ZNF407: variants seen among roughly 807,000 people sequenced by gnomAD.
ZNF407 encodes zinc finger protein 407.
A neutral mutation model predicts 131.2 loss-of-function variants in ZNF407; 17 were observed. The ratio of observed to expected loss-of-function variants is 0.13; its 90% CI spans 0.09 to 0.19. ZNF407 has a LOEUF of 0.19. Among genes scored for constraint, ZNF407 ranks in the 10% least tolerant of loss-of-function variants. ZNF407 has a pLI of 1.00. For synonymous variants in ZNF407, 1,156 were observed against 1,062.0 expected (o/e 1.09, Z -1.72); for missense variants, 2,681 against 2,830.6 (o/e 0.95, Z 1.20).
intron 4 of ZNF407, among the ~76,000 whole-genome samples, chr18:74,831,225 G>A (rs535882177): frequency 6.6e-6 from 1 of 152,244 alleles, no homozygotes; most frequent in Non-Finnish European, 1.5e-5. Context: ...GAACAGCATG[G>A]CAGTAAACAT....
chr18:74,654,854 T>G (rs1985382334), intron 3 of ZNF407, among the ~76,000 whole-genome samples: 1 of 151,864 alleles, frequency 6.6e-6, no homozygotes, highest in Admixed American at 6.6e-5. Context: ...ACTACCAAAT[T>G]GAAGTTGTAA....
At chr18:74,863,710 T>C (rs1970970023) in intron 4 of ZNF407, among the ~76,000 whole-genome samples, 1 of 152,196 alleles carries the variant, frequency 6.6e-6, no homozygotes, top group Non-Finnish European at 1.5e-5. Context: ...AACTCTATTA[T>C]GTTTTTCTAT....
chr18:74,939,455 A>G (rs1328686132), intron 8 of ZNF407, among the ~76,000 whole-genome samples: 1 of 152,234 alleles, frequency 6.6e-6, no homozygotes, highest in Non-Finnish European at 1.5e-5. Flanking sequence ...TAAGACAGAT[A>G]ACAGGATTAA....
intron 8 of ZNF407, among the ~76,000 whole-genome samples, chr18:75,052,317 C>T (rs954607450): frequency 6.6e-6 from 1 of 152,128 alleles, no homozygotes; most frequent in Non-Finnish European, 1.5e-5. Flanking sequence ...CCACAGGAGT[C>T]GCGCGCTTAT....
intron 2 of ZNF407, 43 bp from the exon 3 acceptor site, chr18:74,640,965 T>C: frequency 1.4e-6 from 2 of 1,399,918 alleles, no homozygotes; most frequent in Non-Finnish European, 1.0e-6. Flanking sequence ...ATTGGTGATG[T>C]ATTATTCAAA....
chr18:74,819,541 G>A (rs1970312580), intron 4 of ZNF407, among the ~76,000 whole-genome samples: 1 of 152,172 alleles, frequency 6.6e-6, no homozygotes, highest in African/African-American at 2.4e-5. Context: ...ACTATTGGTG[G>A]AGATGAGAGG....
At chr18:74,715,100 C>T (rs895067069) in intron 3 of ZNF407, among the ~76,000 whole-genome samples, 9 of 152,194 alleles carry the variant, frequency 5.9e-5, no homozygotes, top group African/African-American at 1.4e-4. Flanking sequence ...TCATCTTCCA[C>T]GTCCCGCTGC....
intron 1 of ZNF407, among the ~76,000 whole-genome samples, chr18:74,612,457 A>G (rs561914955): frequency 2.0e-5 from 3 of 152,218 alleles, no homozygotes; most frequent in East Asian, 1.9e-4. Context: ...TTTATTTTGC[A>G]TACTCTACGT....
In ZNF407 at chr18:74,634,998, T is replaced by G; in HGVS notation, c.3979T>G (p.Ser1327Ala). The change falls in exon 2 of 9, where the codon TCT becomes GCT. Residue 1327 changes from serine to alanine, a missense_variant. Physicochemically the swap from Ser to Ala is moderately conservative, Grantham distance 99 (BLOSUM62 1). Transcript: ENST00000299687. ...EFILEEDGPA[S>A]DSTVESSDVY... ...TATTTTGGAGGAGGATGGCCCAGCT[T>G]CTGATAGCACAGTTGAAAGTAGTGA... 1 of 1,614,056 alleles carries G rather than the reference T, an allele frequency of 6.2e-7. No individual in the cohort carries two copies. The highest frequency in any genetic ancestry group is 8.5e-7 in the Non-Finnish European group (1 of 1,179,906).
At chr18:75,050,470 T>G (rs929307448) in intron 8 of ZNF407, among the ~76,000 whole-genome samples, 1 of 152,196 alleles carries the variant, frequency 6.6e-6, no homozygotes, top group East Asian at 1.9e-4. Context: ...AGGACTTTAT[T>G]AATCACAGCA....
At chr18:74,924,468 G>A (rs980974628) in intron 8 of ZNF407, among the ~76,000 whole-genome samples, 1 of 152,068 alleles carries the variant, frequency 6.6e-6, no homozygotes, top group African/African-American at 2.4e-5. Context: ...TTCTGTCATT[G>A]TACAATTTTT....
rs200055040 is a variant in ZNF407, at chr18:75,063,397, G to A, written c.5676G>A (p.Thr1892=). Residue 1892 remains threonine (T), a synonymous_variant, in exon 9 of 9, where the codon ACG becomes ACA. Coordinates refer to ENST00000299687, the MANE Select transcript of ZNF407 (RefSeq NM_017757.3). This position sits in a 1 kb window ranked among gnomAD's most constrained non-coding sequence, Gnocchi z 6.6. ...AGACGGCCGCCGCCACGCTGCAGAC[G>A]CTGGCCATGGCCGGCCAGGTGGCCC... The part of the protein sequence containing the change: ...VEETAAATLQ[T]LAMAGQVARV... The A allele has an allele frequency of 8.1e-6, 13 of 1,610,956 alleles. No homozygotes were observed. The highest frequency in any genetic ancestry group is 2.2e-5 in the East Asian group (1 of 44,766).
intron 4 of ZNF407, among the ~76,000 whole-genome samples, chr18:74,808,801 A>G (rs1350250794): frequency 6.6e-6 from 1 of 152,246 alleles, no homozygotes; most frequent in Non-Finnish European, 1.5e-5. Flanking sequence ...TCACTTTGAT[A>G]GACATGGGCA....
chr18:74,728,897 C>T (rs565535942), intron 3 of ZNF407, among the ~76,000 whole-genome samples: 95 of 152,236 alleles, frequency 6.2e-4, no homozygotes, highest in Admixed American at 1.2e-3. Context: ...AAACACTAGC[C>T]AGCAGTATTG....
chr18:74,968,222 C>T (rs1015847169), intron 8 of ZNF407, among the ~76,000 whole-genome samples: 8 of 152,174 alleles, frequency 5.3e-5, no homozygotes, highest in Non-Finnish European at 1.2e-4. Flanking sequence ...CTATCCCAGT[C>T]TCATATTCAC....
At position 74,633,056 on chromosome 18, in the gene ZNF407, A is replaced by G; in HGVS notation, c.2037A>G (p.Gly679=). 1.2e-6 allele frequency: 2 copies of G among 1,613,942 alleles called. No homozygotes were observed. Among genetic ancestry groups the G allele is most frequent in the Non-Finnish European group, 1.7e-6 (2 of 1,179,898 alleles). The change falls in exon 2 of 9, where the codon GGA becomes GGG. Residue 679 remains glycine (G), a synonymous_variant. Coordinates refer to ENST00000299687, the MANE Select transcript of ZNF407 (RefSeq NM_017757.3). ...ENAKESMDDS[G]KASQEEPLKS... ...CAAAAGAGTCTATGGATGACTCAGGAAAAGCATCTCAGGAAGAACCTCTGA... is the reference window on the plus strand; with the variant it reads ...CAAAAGAGTCTATGGATGACTCAGGGAAAGCATCTCAGGAAGAACCTCTGA...
chr18:75,051,467 C>G (rs1362169735), intron 8 of ZNF407, among the ~76,000 whole-genome samples: 1 of 152,188 alleles, frequency 6.6e-6, no homozygotes, highest in Non-Finnish European at 1.5e-5. Flanking sequence ...TTGCCTTTCT[C>G]TCCCATTCCC....
At chr18:74,918,081 A>C (rs1386559650) in intron 7 of ZNF407, among the ~76,000 whole-genome samples, 1 of 152,210 alleles carries the variant, frequency 6.6e-6, no homozygotes, top group Non-Finnish European at 1.5e-5. Flanking sequence ...AACTGTCATA[A>C]AAGTGGACAT....
chr18:74,607,646 A>AT (rs1236417229), intron 1 of ZNF407, among the ~76,000 whole-genome samples: 4 of 152,126 alleles, frequency 2.6e-5, no homozygotes, highest in African/African-American at 9.7e-5. Context: ...GTCCAGATTG[A>AT]TTGCTAGAGT....
Sources: allele counts gnomAD v4.1 joint callset (sites outside exome capture counted in the v4.1 genomes callset), GRCh38; gene constraint gnomAD v4.1.1; non-coding constraint Gnocchi (gnomAD v3.1); transcripts MANE v1.5; gene names NCBI Gene and HGNC (gene_info 2026-07-23, HGNC 2026-07-21).